The following MIX23 variants were observed in gnomAD, a reference collection of about 807,000 sequenced individuals.
MIX23 encodes protein MIX23.
A neutral mutation model predicts 21.6 loss-of-function variants in MIX23; 13 were observed. That is an observed-to-expected ratio of 0.60 (90% CI 0.39 to 0.96). The LOEUF (loss-of-function observed/expected upper bound fraction) is 0.96, where lower values mean the gene tolerates loss of function less well. Ranked by LOEUF, MIX23 falls within the 40% of genes least tolerant of loss-of-function variation. The pLI is 0.00. For missense variants in MIX23, 144 were observed against 171.2 expected (o/e 0.84, Z 0.89); for synonymous variants, 59 against 58.0 (o/e 1.02, Z -0.08).
intron 1 of MIX23, among the ~76,000 whole-genome samples, chr3:122,382,183 A>G (rs1313256559): frequency 6.6e-6 from 1 of 152,256 alleles, no homozygotes. Context: ...TAATGAAAAA[A>G]TAAGAGTTGC....
chr3:122,375,523 T>C (rs1424284535), intron 1 of MIX23, among the ~76,000 whole-genome samples: 1 of 152,100 alleles, frequency 6.6e-6, no homozygotes, highest in Non-Finnish European at 1.5e-5. Flanking sequence ...CTCAAAATGA[T>C]CGGATTAGGG....
intron 1 of MIX23, among the ~76,000 whole-genome samples, chr3:122,376,606 C>T (rs148146255): frequency 8.5e-4 from 129 of 152,034 alleles, no homozygotes; most frequent in African/African-American, 2.9e-3. Flanking sequence ...GAAACAAGAA[C>T]GAAACTCTGT....
Position 122,368,291 on chromosome 3 carries a change from A to C in MIX23, c.209T>G (p.Val70Gly). Reference protein sequence around the residue: ...LMAAHASRDRVIKNCIAQTSA... With the variant: ...LMAAHASRDRGIKNCIAQTSA... ...AGTCTGGGCTATACAGTTTTTTATG[A>C]CTCTGTCTCTACTGGCATGAGCTGC... is the stretch of plus-strand genomic sequence containing the variant. Residue 70 changes from valine (V) to glycine (G), a missense_variant, in exon 3 of 5, where the codon GTC (valine) becomes GGC (glycine). Coordinates refer to ENST00000291458, the MANE Select transcript of MIX23 (RefSeq NM_001017928.4). 6.2e-7 allele frequency: 1 copy of C among 1,606,308 alleles called. No homozygotes were observed. Among genetic ancestry groups the C allele is most frequent in the Non-Finnish European group, 8.5e-7 (1 of 1,178,894 alleles).
intron 2 of MIX23, 89 bp downstream of exon 2, chr3:122,371,586 G>T: frequency 7.0e-7 from 1 of 1,428,960 alleles, no homozygotes; most frequent in Non-Finnish European, 9.8e-7. Context: ...CATTCCTTTA[G>T]TCACAGTCGA....
intron 1 of MIX23, among the ~76,000 whole-genome samples, chr3:122,382,067 G>T (rs1048142124): frequency 1.3e-5 from 2 of 152,182 alleles, no homozygotes; most frequent in Non-Finnish European, 2.9e-5. Context: ...ATTCTTGAAT[G>T]CATGCTAAAA....
chr3:122,364,947 G>A (rs1434254192), intron 3 of MIX23, among the ~76,000 whole-genome samples: 1 of 152,102 alleles, frequency 6.6e-6, no homozygotes, highest in African/African-American at 2.4e-5. Context: ...AAGCCACCAA[G>A]GTAGGTGGGA....
intron 3 of MIX23, among the ~76,000 whole-genome samples, chr3:122,363,329 T>C (rs1576229646): frequency 2.0e-5 from 3 of 148,048 alleles, no homozygotes. Context: ...CCAGTAAACA[T>C]AACAAAATGC....
At chr3:122,381,714 T>C (rs1281787561) in intron 1 of MIX23, among the ~76,000 whole-genome samples, 3 of 124,498 alleles carry the variant, frequency 2.4e-5, no homozygotes, top group Non-Finnish European at 5.0e-5. Flanking sequence ...CGAGACTCTG[T>C]CTCAAAAAAA....
At chr3:122,366,027 A>C (rs1378553415) in intron 3 of MIX23, among the ~76,000 whole-genome samples, 1 of 151,906 alleles carries the variant, frequency 6.6e-6, no homozygotes, top group Non-Finnish European at 1.5e-5. Flanking sequence ...TACAAAAAAA[A>C]ATTAGCTGGA....
intron 1 of MIX23, among the ~76,000 whole-genome samples, 180 bp downstream of exon 1, chr3:122,382,994 A>G (rs928695165): frequency 6.6e-6 from 1 of 152,142 alleles, no homozygotes; most frequent in African/African-American, 2.4e-5. Flanking sequence ...CCCTCCTCCT[A>G]CAGAGCAGCC....
intron 2 of MIX23, 120 bp from the exon 3 acceptor site, chr3:122,368,442 C>A (rs1158406350): frequency 3.2e-5 from 31 of 958,720 alleles, no homozygotes; most frequent in Non-Finnish European, 4.3e-5. Context: ...CAATTTCTGA[C>A]GACTGAAACC....
At chr3:122,381,673 G>A (rs1415374923) in intron 1 of MIX23, among the ~76,000 whole-genome samples, 2 of 149,732 alleles carry the variant, frequency 1.3e-5, no homozygotes, top group Admixed American at 1.3e-4. Flanking sequence ...AGCCAAGATT[G>A]TGCCACTGCA....
chr3:122,380,342 C>T (rs936755977), intron 1 of MIX23, among the ~76,000 whole-genome samples: 1 of 152,158 alleles, frequency 6.6e-6, no homozygotes, highest in African/African-American at 2.4e-5. Flanking sequence ...AAAGCTCCCA[C>T]GGTGCTTCCC....
chr3:122,367,581 G>A (rs1481279419), intron 3 of MIX23, among the ~76,000 whole-genome samples: 1 of 152,148 alleles, frequency 6.6e-6, no homozygotes, highest in Non-Finnish European at 1.5e-5. Flanking sequence ...GAGGAAATGG[G>A]AAAAAGTCAT....
chr3:122,361,311 C>T (rs997744164), intron 4 of MIX23, among the ~76,000 whole-genome samples: 1 of 152,202 alleles, frequency 6.6e-6, no homozygotes, highest in Non-Finnish European at 1.5e-5. Context: ...TTTTGTCTTA[C>T]AATTCATCTC....
rs754572246 is a variant in MIX23, at chr3:122,371,669, A to C, written c.177+6T>G. On this transcript the variant is annotated splice_donor_region_variant and intron_variant, in intron 2 of 4. Coordinates refer to ENST00000291458, the MANE Select transcript of MIX23 (RefSeq NM_001017928.4). ...AAGAAGCAAAAGACTCAAAAAATACACTTACAGACTCATAAAGTTGTTTAC... is the reference window on the plus strand; with the variant it reads ...AAGAAGCAAAAGACTCAAAAAATACCCTTACAGACTCATAAAGTTGTTTAC... 4.3e-6 allele frequency: 7 copies of C among 1,610,900 alleles called. No individual in the cohort carries two copies. Among genetic ancestry groups the C allele is most frequent in the East Asian group, 2.2e-5 (1 of 44,870 alleles).
chr3:122,360,890 C>T (rs1231469954), intron 4 of MIX23, among the ~76,000 whole-genome samples: 20 of 152,188 alleles, frequency 1.3e-4, no homozygotes, highest in Non-Finnish European at 4.4e-5. Context: ...GTCGCCCAGG[C>T]TGGAGTGCAA....
intron 4 of MIX23, among the ~76,000 whole-genome samples, chr3:122,362,185 A>G (rs1030762832): frequency 1.3e-5 from 2 of 152,212 alleles, no homozygotes; most frequent in African/African-American, 4.8e-5. Context: ...ATGAGCAATA[A>G]AAAGCCTTAT....
chr3:122,362,810 C>CTG (rs1474079797), intron 4 of MIX23, among the ~76,000 whole-genome samples, 158 bp downstream of exon 4: 41 of 136,888 alleles, frequency 3.0e-4, no homozygotes, highest in African/African-American at 9.3e-4. Flanking sequence ...TACCCTCCCC[C>CTG]CAACCCCAAA....
Sources: allele counts gnomAD v4.1 joint callset (sites outside exome capture counted in the v4.1 genomes callset), GRCh38; gene constraint gnomAD v4.1.1; transcripts MANE v1.5; gene names NCBI Gene and HGNC (gene_info 2026-07-23, HGNC 2026-07-21).